KIF26B: variants seen among roughly 807,000 people sequenced by gnomAD.
The protein encoded by KIF26B is kinesin family member 26B.
In KIF26B, 63 loss-of-function variants were observed where a neutral mutation model predicts 151.2. The ratio of observed to expected loss-of-function variants is 0.42; its 90% CI spans 0.34 to 0.51. The LOEUF (loss-of-function observed/expected upper bound fraction) is 0.51. Among genes scored for constraint, KIF26B ranks in the 20% least tolerant of loss-of-function variants. The probability of loss-of-function intolerance (pLI) is 0.07; values close to 1 mark genes in which losing one functional copy is unlikely to be tolerated. For synonymous variants in KIF26B, 1,357 were observed against 1,262.1 expected (o/e 1.08, Z -1.59); for missense variants, 2,813 against 2,913.6 (o/e 0.97, Z 0.79).
intron 2 of KIF26B, among the ~76,000 whole-genome samples, chr1:245,190,636 TTTG>T (rs948451856): frequency 8.6e-5 from 10 of 116,472 alleles, no homozygotes; most frequent in East Asian, 2.1e-4. Context: ...AATGTTTTGT[TTTG>T]TTTTTTTTTT....
At chr1:245,382,217 C>T (rs1402235155) in intron 3 of KIF26B, among the ~76,000 whole-genome samples, 3 of 152,178 alleles carry the variant, frequency 2.0e-5, no homozygotes, top group Non-Finnish European at 4.4e-5. Flanking sequence ...TCTCCATACC[C>T]TCCCCAGTAC....
intron 2 of KIF26B, among the ~76,000 whole-genome samples, chr1:245,190,789 G>C (rs952021913): frequency 3.2e-4 from 49 of 151,908 alleles, no homozygotes; most frequent in African/African-American, 1.2e-3. Flanking sequence ...GCTGGGCGTG[G>C]TGGCTCATGC....
rs1294995537 is a variant in KIF26B at position 245,703,657 on chromosome 1, C to CTTTCT, written c.*1054_*1058dup. ...GAACCAATTCACCAGAGCCATATTT[C>CTTTCT]TTTCTTTAGTATTTTCTAGTGTTGT... On this transcript the variant is annotated 3_prime_UTR_variant, in exon 15 of 15. Coordinates refer to ENST00000407071, the MANE Select transcript of KIF26B (RefSeq NM_018012.4). 1 of 152,174 alleles carries CTTTCT rather than the reference C, an allele frequency of 6.6e-6. No homozygotes were observed. Among genetic ancestry groups the CTTTCT allele is most frequent in the Non-Finnish European group, 1.5e-5 (1 of 68,010 alleles). The allele number at this position is 152,174 out of a possible 1,614,324, so 9.4% of individuals were successfully genotyped here.
intron 4 of KIF26B, among the ~76,000 whole-genome samples, chr1:245,482,148 G>A (rs1248498626): frequency 2.6e-5 from 4 of 151,824 alleles, no homozygotes; most frequent in Non-Finnish European, 5.9e-5. Flanking sequence ...CTGGAGTGCA[G>A]TGGCACGATC....
At chr1:245,384,815 G>A (rs1262172032) in intron 3 of KIF26B, among the ~76,000 whole-genome samples, 3 of 152,212 alleles carry the variant, frequency 2.0e-5, no homozygotes, top group Non-Finnish European at 4.4e-5. Context: ...ATCTGGTTTT[G>A]TCTGACTTGA....
intron 3 of KIF26B, among the ~76,000 whole-genome samples, chr1:245,382,694 G>A (rs990448386): frequency 2.0e-5 from 3 of 151,734 alleles, no homozygotes; most frequent in Admixed American, 6.6e-5. Context: ...TCAGCCTCCC[G>A]AGTAGCTGAG....
rs1475002210 is a variant in KIF26B, at chr1:245,375,918, G to C, written c.999+8551G>C. 6.6e-6 allele frequency among the ~76,000 whole-genome samples: 1 copy of C among 152,158 alleles called. No individual in the cohort carries two copies. Among genetic ancestry groups the C allele is most frequent in the African/African-American group, 2.4e-5 (1 of 41,430 alleles). ...ATCTGGGTGCCACCACAGAATGAGA[G>C]GTTACTCATACTGCACCGCTGGTTT... is the stretch of plus-strand genomic sequence containing the variant. On this transcript the variant is annotated intron_variant, in intron 3 of 14. Coordinates refer to ENST00000407071, the MANE Select transcript of KIF26B (RefSeq NM_018012.4). This position sits in a 1 kb window ranked among gnomAD's most constrained non-coding sequence, Gnocchi z 4.2.
chr1:245,521,939 G>C lies in KIF26B; in HGVS notation c.1167-18828G>C, dbSNP rs185501027. The stretch of plus-strand genomic sequence containing the variant: ...GGATGGAGTGCAGTGGTGCGATCTC[G>C]GCTCACTGCAAGCTCTGCCTCCCGT... On this transcript the variant is annotated intron_variant, in intron 4 of 14. Coordinates refer to ENST00000407071, the MANE Select transcript of KIF26B (RefSeq NM_018012.4). Among the ~76,000 whole-genome samples the C allele has an allele frequency of 2.0e-5, 3 of 150,408 alleles. No individual in the cohort carries two copies. The South Asian group carries it at 6.3e-4, about 32-fold the overall frequency.
chr1:245,565,392 A>G (rs1294838903), intron 5 of KIF26B, among the ~76,000 whole-genome samples: 1 of 151,616 alleles, frequency 6.6e-6, no homozygotes, highest in Admixed American at 6.6e-5. Context: ...GGGTTCAAGC[A>G]ATTCTCCTGC....
intron 4 of KIF26B, among the ~76,000 whole-genome samples, chr1:245,484,361 A>G (rs1028462696): frequency 6.6e-6 from 1 of 151,826 alleles, no homozygotes; most frequent in Non-Finnish European, 1.5e-5. Flanking sequence ...TGCCTTTCCC[A>G]TCAAGCCTTG....
intron 10 of KIF26B, among the ~76,000 whole-genome samples, chr1:245,646,796 C>T (rs536735089): frequency 2.0e-5 from 3 of 152,298 alleles, no homozygotes; most frequent in Admixed American, 1.3e-4. Flanking sequence ...AACCCAATCT[C>T]GGGAGTTCAG....
At chr1:245,265,015 C>T (rs373757900) in intron 2 of KIF26B, among the ~76,000 whole-genome samples, 14 of 148,716 alleles carry the variant, frequency 9.4e-5, no homozygotes, top group African/African-American at 2.5e-4. Flanking sequence ...CTGGCTAACA[C>T]GGTGAAACCC....
At chr1:245,510,606 C>G (rs1367062337) in intron 4 of KIF26B, among the ~76,000 whole-genome samples, 2 of 151,458 alleles carry the variant, frequency 1.3e-5, no homozygotes, top group Non-Finnish European at 2.9e-5. Flanking sequence ...CTCTCTCTCT[C>G]TCTCTCTCTT....
chr1:245,333,355 A>G (rs1672151530), intron 2 of KIF26B, among the ~76,000 whole-genome samples: 1 of 152,210 alleles, frequency 6.6e-6, no homozygotes, highest in Non-Finnish European at 1.5e-5. Context: ...AAAAGCGCAA[A>G]TACTGTGTGA....
rs57077013 is a variant in KIF26B, at chr1:245,238,114, C to T, written c.465+81431C>T. 7.2e-3 allele frequency among the ~76,000 whole-genome samples: 1,091 copies of T among 152,152 alleles called. 10 individuals carry two copies. The highest frequency in any genetic ancestry group is 0.024 in the African/African-American group (997 of 41,466). On this transcript the variant is annotated intron_variant, in intron 2 of 14. Coordinates refer to ENST00000407071, the MANE Select transcript of KIF26B (RefSeq NM_018012.4). ...TTGGGAGGCCAAGGCAGGCAGATCA[C>T]CTGAGGTCAGGAGTTCAAGACCAGA...
intron 3 of KIF26B, among the ~76,000 whole-genome samples, chr1:245,377,001 G>C (rs1295268663): frequency 6.6e-6 from 1 of 151,852 alleles, no homozygotes; most frequent in Non-Finnish European, 1.5e-5. Flanking sequence ...TGCAACCTCT[G>C]CCTCCTGGGT....
chr1:245,243,603 A>C (rs1193204817), intron 2 of KIF26B, among the ~76,000 whole-genome samples: 2 of 152,148 alleles, frequency 1.3e-5, no homozygotes, highest in Non-Finnish European at 2.9e-5. Flanking sequence ...TAACTTCAAT[A>C]AAGCCAAATT....
At chr1:245,385,598 C>T (rs1182045862) in intron 3 of KIF26B, among the ~76,000 whole-genome samples, 1 of 152,062 alleles carries the variant, frequency 6.6e-6, no homozygotes, top group East Asian at 1.9e-4. Flanking sequence ...CCTGGGGCGG[C>T]GTGGAGCTGT....
At chr1:245,473,570 G>A (rs1410075515) in intron 4 of KIF26B, among the ~76,000 whole-genome samples, 1 of 148,420 alleles carries the variant, frequency 6.7e-6, no homozygotes, top group African/African-American at 2.4e-5. Context: ...ATTCTTAATG[G>A]GGGTTGGGGG....
Sources: gnomAD v4.1 joint callset for allele counts (sites outside exome capture counted in the v4.1 genomes callset) on GRCh38, gnomAD v4.1.1 for gene constraint, Gnocchi (gnomAD v3.1) non-coding constraint, MANE v1.5 for transcripts, NCBI Gene and HGNC (gene_info 2026-07-23, HGNC 2026-07-21) for gene names.